ULK4: variants seen among roughly 807,000 people sequenced by gnomAD.
The protein encoded by ULK4 is inactive serine/threonine-protein kinase ULK4.
ULK4 carries 133 observed loss-of-function variants against 160.6 expected under a neutral mutation model. That is an observed-to-expected ratio of 0.83 (90% CI 0.72 to 0.96). The LOEUF (loss-of-function observed/expected upper bound fraction) is 0.96. ULK4 is among the 40% of genes least tolerant of loss of function. The pLI, the probability that ULK4 is intolerant of heterozygous loss-of-function variation, is 0.00. For missense variants in ULK4, 1,580 were observed against 1,499.5 expected, an observed-to-expected ratio of 1.05 and a Z score of -0.89; for synonymous variants, 534 against 539.8, an observed-to-expected ratio of 0.99 and a Z score of 0.15.
At chr3:41,936,361 A>G (rs955421027) in intron 3 of ULK4, among the ~76,000 whole-genome samples, 14 of 152,220 alleles carry the variant, frequency 9.2e-5, no homozygotes, top group African/African-American at 3.4e-4. Context: ...TCCTTAACAG[A>G]TAATCACAAC....
intron 30 of ULK4, among the ~76,000 whole-genome samples, chr3:41,657,612 G>A (rs1343900050): frequency 6.6e-6 from 1 of 151,940 alleles, no homozygotes; most frequent in African/African-American, 2.4e-5. Context: ...GAGGTTAGGA[G>A]TTCAAGACCA....
chr3:41,942,572 C>T (rs962996434), intron 2 of ULK4, among the ~76,000 whole-genome samples: 4 of 152,090 alleles, frequency 2.6e-5, no homozygotes, highest in African/African-American at 9.7e-5. Flanking sequence ...AATGCCAGCA[C>T]TTTGGGAGGC....
chr3:41,678,175 CAT>C (rs1196823878), intron 29 of ULK4, among the ~76,000 whole-genome samples: 4 of 122,362 alleles, frequency 3.3e-5, no homozygotes, highest in African/African-American at 9.8e-5. Flanking sequence ...ATCTTTATTT[CAT>C]ACACACACAC....
chr3:41,585,799 A>T (rs1365187255), intron 31 of ULK4, among the ~76,000 whole-genome samples: 1 of 152,192 alleles, frequency 6.6e-6, no homozygotes, highest in Non-Finnish European at 1.5e-5. Flanking sequence ...TACATTGTAT[A>T]AAAAACTCCT....
chr3:41,804,957 G>A (rs943401802), intron 19 of ULK4, among the ~76,000 whole-genome samples: 1 of 152,080 alleles, frequency 6.6e-6, no homozygotes, highest in African/African-American at 2.4e-5. Context: ...GACTGACTTG[G>A]CGATGCGGGC....
chr3:41,825,275 G>A (rs1052302392), intron 18 of ULK4, among the ~76,000 whole-genome samples: 4 of 152,230 alleles, frequency 2.6e-5, no homozygotes, highest in Non-Finnish European at 5.9e-5. Flanking sequence ...CCAAAGGAAT[G>A]CAGCTCCTCA....
intron 32 of ULK4, among the ~76,000 whole-genome samples, chr3:41,535,960 A>G (rs1237803595): frequency 6.6e-6 from 1 of 152,128 alleles, no homozygotes; most frequent in African/African-American, 2.4e-5. Context: ...TGGACTCATC[A>G]TATGTCTCTA....
intron 31 of ULK4, among the ~76,000 whole-genome samples, chr3:41,584,404 G>A (rs1387169468): frequency 6.6e-6 from 1 of 151,992 alleles, no homozygotes; most frequent in Non-Finnish European, 1.5e-5. Flanking sequence ...TGACCCCCCT[G>A]CCTCAGCCTC....
At chr3:41,612,851 G>A (rs2032752670) in intron 31 of ULK4, among the ~76,000 whole-genome samples, 1 of 152,110 alleles carries the variant, frequency 6.6e-6, no homozygotes. Flanking sequence ...TAGGAGAGGA[G>A]CACATCATAG....
intron 18 of ULK4, among the ~76,000 whole-genome samples, chr3:41,826,422 T>G (rs2041354884): frequency 2.0e-5 from 3 of 149,976 alleles, no homozygotes; most frequent in Non-Finnish European, 3.0e-5. Context: ...CCATCTCATG[T>G]GCAGAGACAC....
intron 27 of ULK4, among the ~76,000 whole-genome samples, chr3:41,688,528 T>A (rs1304723677): frequency 6.6e-6 from 1 of 152,236 alleles, no homozygotes; most frequent in Non-Finnish European, 1.5e-5. Flanking sequence ...TATTTTTGTA[T>A]AAATAAGGTA....
At chr3:41,434,151 T>C (rs1196676182) in intron 34 of ULK4, among the ~76,000 whole-genome samples, 1 of 152,162 alleles carries the variant, frequency 6.6e-6, no homozygotes, top group African/African-American at 2.4e-5. Flanking sequence ...AAAAATAAAA[T>C]TATCTTCATG....
At chr3:41,492,023 T>A (rs975242232) in intron 32 of ULK4, among the ~76,000 whole-genome samples, 55 of 152,154 alleles carry the variant, frequency 3.6e-4, no homozygotes, top group African/African-American at 1.3e-3. Context: ...AGAATGATGA[T>A]TTCCAATTTC....
chr3:41,708,697 G>C (rs2036989148), intron 25 of ULK4, among the ~76,000 whole-genome samples: 3 of 152,148 alleles, frequency 2.0e-5, no homozygotes, highest in Non-Finnish European at 2.9e-5. Context: ...GGTGAGTATA[G>C]TTAATAAAGA....
chr3:41,895,084 A>G lies in ULK4; in HGVS notation c.1577+434T>C, dbSNP rs559397240. 2.0e-5 allele frequency among the ~76,000 whole-genome samples: 3 copies of G among 152,326 alleles called. No individual in the cohort carries two copies. The South Asian group carries it at 6.2e-4, about 32-fold the overall frequency. On this transcript the variant is annotated intron_variant, in intron 16 of 36. Transcript: ENST00000301831. Reference sequence around the variant, plus strand: ...ATAACTAAATTAATACACAGGGATCAGGGTTTAAGTATTTTATAATCAATA... The same window carrying G: ...ATAACTAAATTAATACACAGGGATCGGGGTTTAAGTATTTTATAATCAATA...
At chr3:41,934,345 A>G (rs1699692656) in intron 4 of ULK4, among the ~76,000 whole-genome samples, 1 of 152,236 alleles carries the variant, frequency 6.6e-6, no homozygotes, top group Non-Finnish European at 1.5e-5. Context: ...TTTTAGGTTT[A>G]ATTATATTCT....
intron 31 of ULK4, among the ~76,000 whole-genome samples, chr3:41,579,464 T>TC (rs1559409842): frequency 6.6e-6 from 1 of 151,030 alleles, no homozygotes; most frequent in Non-Finnish European, 1.5e-5. Flanking sequence ...AGGCAGCTAT[T>TC]CACTTCAATC....
intron 33 of ULK4, among the ~76,000 whole-genome samples, chr3:41,461,071 A>G (rs2083673148): frequency 6.6e-6 from 1 of 152,140 alleles, no homozygotes; most frequent in South Asian, 2.1e-4. Flanking sequence ...AACAGGGACC[A>G]GTTTTAAATC....
intron 22 of ULK4, among the ~76,000 whole-genome samples, chr3:41,746,346 A>G (rs532437399): frequency 6.6e-6 from 1 of 150,904 alleles, no homozygotes; most frequent in South Asian, 2.1e-4. Context: ...AGATAAAATC[A>G]AAAAACACAA....
Sources: gnomAD v4.1 joint callset for allele counts (sites outside exome capture counted in the v4.1 genomes callset) on GRCh38, gnomAD v4.1.1 for gene constraint, MANE v1.5 for transcripts, NCBI Gene and HGNC (gene_info 2026-07-23, HGNC 2026-07-21) for gene names.